DMD: variants seen among roughly 807,000 people sequenced by gnomAD.
DMD encodes the protein mutant dystrophin.
DMD carries 63 observed loss-of-function variants against 330.1 expected under a neutral mutation model. That is an observed-to-expected ratio of 0.19 (90% CI 0.16 to 0.24). The LOEUF is 0.24. DMD is among the 10% of genes least tolerant of loss of function. DMD has a pLI of 1.00. For synonymous variants in DMD, 1,223 were observed against 959.8 expected (o/e 1.27, Z -5.07); for missense variants, 3,344 against 2,684.1 (o/e 1.25, Z -5.43).
At chrX:31,278,131 A>ATGCGTGTG (rs2052323781) in intron 62 of DMD, among the ~76,000 whole-genome samples, 1 of 111,357 alleles carries the variant, frequency 9.0e-6, no homozygotes, top group African/African-American at 3.3e-5. Context: ...ACAGATATAG[A>ATGCGTGTG]TGCGTGTGTG....
intron 44 of DMD, among the ~76,000 whole-genome samples, chrX:32,013,263 A>T (rs1603620342): frequency 9.3e-6 from 1 of 107,913 alleles, no homozygotes; most frequent in Non-Finnish European, 1.9e-5. Flanking sequence ...ATTTTTGTAT[A>T]TTTAGTAGAG....
chrX:33,285,191 A>G (rs2053413311), intron 1 of DMD, among the ~76,000 whole-genome samples: 1 of 111,831 alleles, frequency 8.9e-6, no homozygotes, highest in Non-Finnish European at 1.9e-5. Context: ...TACAAAGTAC[A>G]TTTTTAAAAA....
rs2098335852 is a variant in DMD, at chrX:32,452,403, A to AGGAAAGGAAAG, written c.3603+2258_3603+2259insCTTTCCTTTCC. On this transcript the variant is annotated intron_variant, in intron 26 of 78. Coordinates refer to ENST00000357033, the MANE Select transcript of DMD (RefSeq NM_004006.3). ...AAAGGGAAAGGGAAAGGGAAGGGAAAGGAAAGGGAAAGGGAAAGGGAAAGG... is the reference window on the plus strand; with the variant it reads ...AAAGGGAAAGGGAAAGGGAAGGGAAAGGAAAGGAAAGGGAAAGGGAAAGGGAAAGGGAAAGG... Among the ~76,000 whole-genome samples, 2 of 8,294 alleles carry AGGAAAGGAAAG rather than the reference A, an allele frequency of 2.4e-4. 1 individual carries two copies. Among genetic ancestry groups the AGGAAAGGAAAG allele is most frequent in the African/African-American group, 5.8e-4 (2 of 3,432 alleles). The allele number at this position is 8,294 out of a possible 115,157, so 7.2% of individuals were successfully genotyped here. A position where few individuals can be genotyped will look rare whatever the true frequency, so the allele number is the denominator to read the frequency against.
intron 16 of DMD, among the ~76,000 whole-genome samples, chrX:32,549,461 T>C (rs747146485): frequency 1.8e-5 from 2 of 111,359 alleles, no homozygotes; most frequent in South Asian, 7.6e-4. Context: ...TTGTTTTCAG[T>C]TTGCACTGGG....
chrX:31,950,621 T>C (rs1361378872), intron 45 of DMD, among the ~76,000 whole-genome samples: 1 of 110,893 alleles, frequency 9.0e-6, no homozygotes, highest in Non-Finnish European at 1.9e-5. Context: ...ATTGTCTAGT[T>C]CTCCTTTGAA....
At chrX:32,022,979 C>T (rs758182003) in intron 44 of DMD, among the ~76,000 whole-genome samples, 51 of 109,661 alleles carry the variant, frequency 4.7e-4, no homozygotes, top group Middle Eastern at 4.8e-3. Context: ...ATTACAGGTG[C>T]GTGCCACCAC....
intron 12 of DMD, among the ~76,000 whole-genome samples, chrX:32,596,993 C>T (rs185699798): frequency 9.0e-6 from 1 of 111,730 alleles, no homozygotes; most frequent in East Asian, 2.8e-4. Context: ...CTTATATGAT[C>T]TAGCACCTGA....
At chrX:33,053,580 A>C (rs750269791) in intron 1 of DMD, among the ~76,000 whole-genome samples, 119 of 110,636 alleles carry the variant, frequency 1.1e-3, no homozygotes, top group African/African-American at 3.9e-3. Flanking sequence ...TGGGTGACAG[A>C]GCAAGACTCC....
intron 60 of DMD, among the ~76,000 whole-genome samples, chrX:31,390,240 C>T (rs1005286429): frequency 9.2e-6 from 1 of 109,221 alleles, no homozygotes; most frequent in African/African-American, 3.3e-5. Context: ...TTTTGACTGA[C>T]TTCTCTTCTC....
rs1416379745 is a variant in DMD at position 32,034,714 on chromosome X, C to A, written c.6439-66200G>T. ...AAATGGAAATGTAATGCATTGAAAT[C>A]AACTCAAACATAAATTTCACACATA... On this transcript the variant is annotated intron_variant, in intron 44 of 78. Coordinates refer to ENST00000357033, the MANE Select transcript of DMD (RefSeq NM_004006.3). Among the ~76,000 whole-genome samples, 3 of 111,209 alleles carry A rather than the reference C, an allele frequency of 2.7e-5. No individual in the cohort carries two copies. In the East Asian group the frequency reaches 8.4e-4, roughly 31 times the overall value.
intron 50 of DMD, among the ~76,000 whole-genome samples, chrX:31,783,912 T>C (rs1312585040): frequency 8.9e-6 from 1 of 111,897 alleles, no homozygotes; most frequent in African/African-American, 3.2e-5. Context: ...TTGCACAAGA[T>C]CTGGACAGCA....
intron 11 of DMD, among the ~76,000 whole-genome samples, chrX:32,618,902 A>G (rs2057786469): frequency 9.0e-6 from 1 of 111,541 alleles, no homozygotes; most frequent in Non-Finnish European, 1.9e-5. Context: ...AAACAGTATG[A>G]AGGCTCCTTG....
intron 55 of DMD, among the ~76,000 whole-genome samples, chrX:31,563,393 A>G (rs2075329429): frequency 8.9e-6 from 1 of 111,981 alleles, no homozygotes. Flanking sequence ...CTGGACTCTC[A>G]ATTTTGCTTC....
chrX:32,329,286 A>T (rs1179056227), intron 41 of DMD, among the ~76,000 whole-genome samples: 1 of 112,447 alleles, frequency 8.9e-6, no homozygotes, highest in Non-Finnish European at 1.9e-5. Context: ...GTGGCGAACG[A>T]CATAAAATAG....
intron 1 of DMD, among the ~76,000 whole-genome samples, chrX:33,230,957 C>CAA (rs199599120): frequency 5.5e-4 from 52 of 95,195 alleles, no homozygotes; most frequent in African/African-American, 2.3e-3. Flanking sequence ...ACATAATAGC[C>CAA]AAAAAAAAAA....
intron 44 of DMD, among the ~76,000 whole-genome samples, chrX:32,007,123 G>T (rs1313103941): frequency 9.7e-6 from 1 of 102,922 alleles, no homozygotes; most frequent in African/African-American, 3.6e-5. Context: ...AATGCTAAAT[G>T]ATGAGCTAAT....
At chrX:32,991,108 C>T (rs779246854) in intron 2 of DMD, among the ~76,000 whole-genome samples, 17 of 110,704 alleles carry the variant, frequency 1.5e-4, no homozygotes, top group African/African-American at 4.6e-4. Flanking sequence ...AAATGCAGTA[C>T]GTTTTATCTT....
At chrX:32,745,947 A>G (rs2069947430) in intron 7 of DMD, among the ~76,000 whole-genome samples, 1 of 112,450 alleles carries the variant, frequency 8.9e-6, no homozygotes, top group Admixed American at 9.4e-5. Context: ...GAGTAAAAAT[A>G]AAGAATAAAG....
intron 50 of DMD, among the ~76,000 whole-genome samples, chrX:31,786,295 G>T (rs1234970052): frequency 2.7e-5 from 3 of 111,590 alleles, no homozygotes; most frequent in African/African-American, 9.8e-5. Context: ...TTTTGATGGG[G>T]TTGTTTGTTT....
Sources: gnomAD v4.1 joint callset for allele counts (sites outside exome capture counted in the v4.1 genomes callset) on GRCh38, gnomAD v4.1.1 for gene constraint, MANE v1.5 for transcripts, NCBI Gene and HGNC (gene_info 2026-07-23, HGNC 2026-07-21) for gene names.